Variants in RANBP17 observed in about 807,000 individuals in gnomAD.
The protein encoded by RANBP17 is ran-binding protein 17.
A neutral mutation model predicts 141.2 loss-of-function variants in RANBP17; 158 were observed. That is an observed-to-expected ratio of 1.12 (90% CI 0.98 to 1.28). The LOEUF is 1.28. Among genes scored for constraint, RANBP17 ranks in the 50% most tolerant of loss-of-function variants. The pLI is 0.00. For missense variants in RANBP17, 1,438 were observed against 1,290.7 expected (o/e 1.11, Z -1.75); for synonymous variants, 430 against 450.0 (o/e 0.96, Z 0.56).
intron 1 of RANBP17, among the ~76,000 whole-genome samples, chr5:170,873,427 A>G (rs956137583): frequency 2.6e-5 from 4 of 152,204 alleles, no homozygotes; most frequent in Non-Finnish European, 4.4e-5. Context: ...GAATGGTATC[A>G]GCTCCTCTTT....
chr5:170,977,873 A>G (rs775030234), intron 14 of RANBP17, among the ~76,000 whole-genome samples: 1 of 152,072 alleles, frequency 6.6e-6, no homozygotes, highest in African/African-American at 2.4e-5. Context: ...GACAAAAGGT[A>G]TGAAATACCT....
chr5:171,001,550 A>G (rs1779202400), intron 14 of RANBP17, among the ~76,000 whole-genome samples: 1 of 152,134 alleles, frequency 6.6e-6, no homozygotes, highest in Non-Finnish European at 1.5e-5. Context: ...AGGAGCTTAA[A>G]TGGGCTGTAC....
At chr5:171,110,734 G>C (rs1345231236) in intron 14 of RANBP17, among the ~76,000 whole-genome samples, 2 of 152,112 alleles carry the variant, frequency 1.3e-5, no homozygotes, top group Admixed American at 6.6e-5. Context: ...GTAGAAACGT[G>C]ATGAGACAGG....
At chr5:171,129,057 C>G (rs76400697) in intron 14 of RANBP17, among the ~76,000 whole-genome samples, 10,929 of 152,158 alleles carry the variant, frequency 0.072, 594 homozygotes, top group African/African-American at 0.14. Context: ...GATAGGCACT[C>G]TATCCTGTCT....
chr5:170,894,481 G>GTT (rs972123167), intron 4 of RANBP17, among the ~76,000 whole-genome samples: 1 of 39,144 alleles, frequency 2.6e-5, no homozygotes, highest in African/African-American at 1.1e-4. Context: ...GTTAGTACGT[G>GTT]TTTTTTATAT....
At chr5:171,147,379 GTGGTTGT>G (rs1214905607) in intron 14 of RANBP17, among the ~76,000 whole-genome samples, 10 of 142,964 alleles carry the variant, frequency 7.0e-5, no homozygotes, top group African/African-American at 2.3e-4. Context: ...GTGTGTGTGT[GTGGTTGT>G]TTGTTTTTTT....
At chr5:171,095,907 G>A (rs965471048) in intron 14 of RANBP17, among the ~76,000 whole-genome samples, 4 of 152,120 alleles carry the variant, frequency 2.6e-5, no homozygotes, top group African/African-American at 9.7e-5. Context: ...TTTGTACTAT[G>A]TATGCCCTTA....
At chr5:171,051,784 A>T (rs927667355) in intron 14 of RANBP17, among the ~76,000 whole-genome samples, 18 of 152,134 alleles carry the variant, frequency 1.2e-4, no homozygotes, top group Non-Finnish European at 1.3e-4. Context: ...TCATATGGTA[A>T]TTCTTTAACT....
At chr5:170,872,943 A>C (rs1320581995) in intron 1 of RANBP17, among the ~76,000 whole-genome samples, 1 of 151,656 alleles carries the variant, frequency 6.6e-6, no homozygotes, top group African/African-American at 2.4e-5. Flanking sequence ...ACGGAGTCTT[A>C]CTCTGTCACC....
chr5:170,919,451 T>G lies in RANBP17; in HGVS notation c.1112T>G (p.Phe371Cys). The G allele has an allele frequency of 6.4e-7, 1 of 1,572,140 alleles. No homozygotes were observed. The highest frequency in any genetic ancestry group is 1.7e-4 in the Middle Eastern group (1 of 5,848). The change falls in exon 11 of 28, where the codon TTT becomes TGT. Residue 371 changes from phenylalanine to cysteine, a missense_variant. Coordinates refer to ENST00000523189, the MANE Select transcript of RANBP17 (RefSeq NM_022897.5). ...FTITSLQHWE[F>C]APNSVHYLLT... ...TTTATTTCTTTGTAGCACTGGGAATTTGCTCCTAACAGTGTTCATTATTTA... is the reference window on the plus strand; with the variant it reads ...TTTATTTCTTTGTAGCACTGGGAATGTGCTCCTAACAGTGTTCATTATTTA...
intron 25 of RANBP17, among the ~76,000 whole-genome samples, chr5:171,285,200 A>G (rs1768095113): frequency 1.3e-5 from 2 of 152,250 alleles, no homozygotes; most frequent in African/African-American, 4.8e-5. Context: ...TCAACTTAAA[A>G]TCACCTATCC....
chr5:170,948,959 C>T (rs543508269), intron 12 of RANBP17, among the ~76,000 whole-genome samples: 27 of 151,960 alleles, frequency 1.8e-4, no homozygotes, highest in Non-Finnish European at 3.5e-4. Flanking sequence ...TCAGGAACAG[C>T]CTGGTCAACC....
At position 171,129,771 on chromosome 5, in the gene RANBP17, C is replaced by T. The variant is rs192931424; in HGVS notation, c.1711-40359C>T. On this transcript the variant is annotated intron_variant, in intron 14 of 27. Coordinates refer to ENST00000523189, the MANE Select transcript of RANBP17 (RefSeq NM_022897.5). ...TTACCATGCATAGTTATCATACTGA[C>T]TTTGTCCTAGACTGACCCAGGTCCA... is the stretch of plus-strand genomic sequence containing the variant. 2.0e-5 allele frequency among the ~76,000 whole-genome samples: 3 copies of T among 152,308 alleles called. No homozygotes were observed. In the East Asian group the frequency reaches 5.8e-4, roughly 29 times the overall value.
intron 14 of RANBP17, among the ~76,000 whole-genome samples, chr5:171,100,850 G>A (rs1314142372): frequency 2.0e-5 from 3 of 152,046 alleles, no homozygotes; most frequent in African/African-American, 4.8e-5. Context: ...CCTTAATTTC[G>A]TTATTTACCC....
intron 14 of RANBP17, among the ~76,000 whole-genome samples, chr5:170,982,382 G>A (rs563047508): frequency 1.3e-5 from 2 of 152,184 alleles, no homozygotes; most frequent in South Asian, 4.1e-4. Flanking sequence ...GCCTCTTGAA[G>A]AAAACCTCAT....
intron 14 of RANBP17, among the ~76,000 whole-genome samples, chr5:171,003,641 A>G (rs1779378203): frequency 6.6e-6 from 1 of 152,122 alleles, no homozygotes; most frequent in East Asian, 1.9e-4. Context: ...GATTGAAAGG[A>G]GGGGCTACAA....
chr5:170,963,170 C>G (rs563931164), intron 13 of RANBP17, among the ~76,000 whole-genome samples: 2 of 152,216 alleles, frequency 1.3e-5, no homozygotes, highest in African/African-American at 4.8e-5. Context: ...AGTAAGTGTT[C>G]TGAATGCATA....
At chr5:170,990,026 A>G (rs1778397951) in intron 14 of RANBP17, among the ~76,000 whole-genome samples, 1 of 151,858 alleles carries the variant, frequency 6.6e-6, no homozygotes, top group South Asian at 2.1e-4. Context: ...CATTTGGGAA[A>G]ATCAGCAAAG....
intron 14 of RANBP17, among the ~76,000 whole-genome samples, chr5:171,026,974 A>G (rs1343655701): frequency 6.6e-6 from 1 of 152,110 alleles, no homozygotes; most frequent in Admixed American, 6.6e-5. Context: ...AGATTCTCAT[A>G]GGAGGACGGA....
Sources: gnomAD v4.1 joint callset for allele counts (sites outside exome capture counted in the v4.1 genomes callset) on GRCh38, gnomAD v4.1.1 for gene constraint, MANE v1.5 for transcripts, NCBI Gene and HGNC (gene_info 2026-07-23, HGNC 2026-07-21) for gene names.